The following SYNE1 variants were observed in gnomAD, a reference collection of about 807,000 sequenced individuals.
The protein encoded by SYNE1 is nesprin-1.
SYNE1 carries 616 observed loss-of-function variants against 1,111.0 expected under a neutral mutation model. The observed-to-expected ratio is 0.55, with a 90% CI of 0.52 to 0.59. The LOEUF is 0.59. Ranked by LOEUF, SYNE1 falls within the 20% of genes least tolerant of loss-of-function variation. The pLI, the probability that SYNE1 is intolerant of heterozygous loss-of-function variation, is 0.00. For synonymous variants in SYNE1, 3,855 were observed against 3,825.8 expected (o/e 1.01, Z -0.28); for missense variants, 10,006 against 10,417.0 (o/e 0.96, Z 1.72).
At chr6:152,581,755 C>T (rs775482361) in intron 3 of SYNE1, among the ~76,000 whole-genome samples, 3 of 152,096 alleles carry the variant, frequency 2.0e-5, no homozygotes, top group Non-Finnish European at 2.9e-5. Flanking sequence ...ACCCCTGGCT[C>T]GCTCCAGACT....
At chr6:152,526,301 C>A (rs1463244251) in intron 4 of SYNE1, 126 bp from the exon 5 acceptor site, 3 of 939,866 alleles carry the variant, frequency 3.2e-6, no homozygotes, top group South Asian at 1.4e-5. Context: ...TACTTTAATT[C>A]TTTATTTTGG....
At chr6:152,382,568 C>T (rs2097439628) in intron 55 of SYNE1, among the ~76,000 whole-genome samples, 1 of 152,148 alleles carries the variant, frequency 6.6e-6, no homozygotes, top group African/African-American at 2.4e-5. Context: ...AAAACCCTTA[C>T]ACACAGCATG....
rs765571307 is a variant in SYNE1, at chr6:152,433,061, A to G, written c.4461+734T>C. Among the ~76,000 whole-genome samples, 198 of 152,156 alleles carry G rather than the reference A, an allele frequency of 1.3e-3. 1 individual carries two copies. Among genetic ancestry groups the G allele is most frequent in the Non-Finnish European group, 1.0e-3 (69 of 67,972 alleles). On this transcript the variant is annotated intron_variant, in intron 34 of 145. Coordinates refer to ENST00000367255, the MANE Select transcript of SYNE1 (RefSeq NM_182961.4). ...GTATTTATTTTACTATATTTAATTG[A>G]ATGAAATAGCAGAGGGTTTTCCCAT...
intron 3 of SYNE1, among the ~76,000 whole-genome samples, chr6:152,568,696 A>G (rs904855397): frequency 2.0e-5 from 3 of 150,972 alleles, no homozygotes; most frequent in African/African-American, 7.3e-5. Context: ...GCAGCCTCCA[A>G]CTCCTCGTCT....
chr6:152,551,389 C>G (rs900556376), intron 3 of SYNE1, among the ~76,000 whole-genome samples: 69 of 152,232 alleles, frequency 4.5e-4, no homozygotes, highest in African/African-American at 1.6e-3. Context: ...GACTCTTACC[C>G]TAATCTAATT....
intron 50 of SYNE1, among the ~76,000 whole-genome samples, chr6:152,396,335 G>A (rs1290125333): frequency 6.6e-6 from 1 of 152,124 alleles, no homozygotes; most frequent in Non-Finnish European, 1.5e-5. Context: ...CTAGTCATAG[G>A]TGGCTCTTTC....
At chr6:152,227,489 T>C (rs532058351) in intron 115 of SYNE1, among the ~76,000 whole-genome samples, 1 of 152,302 alleles carries the variant, frequency 6.6e-6, no homozygotes, top group East Asian at 1.9e-4. Context: ...ATTTCCACTC[T>C]ATAATTTTGT....
chr6:152,313,984 T>C (rs925469784), intron 87 of SYNE1, among the ~76,000 whole-genome samples: 3 of 152,124 alleles, frequency 2.0e-5, no homozygotes, highest in African/African-American at 4.8e-5. Context: ...GACTCCTCCC[T>C]CTCTTTCACC....
At chr6:152,535,731 C>T (rs1464110557) in intron 4 of SYNE1, among the ~76,000 whole-genome samples, 1 of 151,998 alleles carries the variant, frequency 6.6e-6, no homozygotes, top group African/African-American at 2.4e-5. Context: ...TTATACATGC[C>T]TAATTTTAAA....
rs774228114 is a variant in SYNE1, at chr6:152,391,499, C to T, written c.7782G>A (p.Glu2594=). The change falls in exon 52 of 146, where the codon GAG becomes GAA. Residue 2594 remains glutamate, a synonymous_variant. Coordinates refer to ENST00000367255, the MANE Select transcript of SYNE1 (RefSeq NM_182961.4). ...LSEEGHGAGQ[E]GRLCSQLLTS... ...TGAGGAGCTGGGAACACAGGCGGCC[C>T]TCCTGCCCAGCACCGTGGCCTTCTT... 6.2e-7 allele frequency: 1 copy of T among 1,613,422 alleles called. No individual in the cohort carries two copies.
intron 39 of SYNE1, among the ~76,000 whole-genome samples, chr6:152,420,349 G>A (rs1370324354): frequency 2.0e-5 from 3 of 152,178 alleles, no homozygotes; most frequent in Non-Finnish European, 2.9e-5. Context: ...GCTAGGTGCA[G>A]TGGCTCATGC....
intron 55 of SYNE1, among the ~76,000 whole-genome samples, chr6:152,385,220 C>T (rs1173497974): frequency 1.3e-5 from 2 of 152,102 alleles, no homozygotes; most frequent in African/African-American, 2.4e-5. Flanking sequence ...GCAGAGTAAA[C>T]GAGATGATAA....
chr6:152,515,915 C>T (rs1370794849), intron 6 of SYNE1, among the ~76,000 whole-genome samples: 3 of 152,020 alleles, frequency 2.0e-5, no homozygotes, highest in Non-Finnish European at 4.4e-5. Context: ...TTAGGGTTTC[C>T]CCAGTAAAAT....
At chr6:152,328,380 T>TTTA (rs1554460765) in intron 78 of SYNE1, among the ~76,000 whole-genome samples, 28 of 137,510 alleles carry the variant, frequency 2.0e-4, no homozygotes, top group African/African-American at 6.6e-4. Flanking sequence ...TCTTATTTTA[T>TTTA]TTTATTTATT....
chr6:152,552,694 T>C (rs931223873), intron 3 of SYNE1, among the ~76,000 whole-genome samples: 1 of 152,064 alleles, frequency 6.6e-6, no homozygotes, highest in African/African-American at 2.4e-5. Flanking sequence ...GTGTTAGAAA[T>C]TGCAATCTCA....
At chr6:152,530,585 A>G (rs564301960) in intron 4 of SYNE1, among the ~76,000 whole-genome samples, 1 of 151,710 alleles carries the variant, frequency 6.6e-6, no homozygotes, top group East Asian at 1.9e-4. Flanking sequence ...ACAATTCATA[A>G]GTTTTAAATT....
chr6:152,441,440 A>T (rs1356750187), intron 31 of SYNE1, among the ~76,000 whole-genome samples, 170 bp from the exon 32 acceptor site: 1 of 152,160 alleles, frequency 6.6e-6, no homozygotes, highest in African/African-American at 2.4e-5. Flanking sequence ...TCTTTTCTCT[A>T]TGTTAATGTT....
At position 152,447,534 on chromosome 6, in the gene SYNE1, T is replaced by A. The variant is rs2098603202; in HGVS notation, c.3593A>T (p.Asn1198Ile). Residue 1198 changes from asparagine (N) to isoleucine (I), a missense_variant, in exon 29 of 146, where the codon AAT becomes ATT. Asn to Ile is a moderately radical substitution (Grantham distance 149). Around this residue, in one of 7 missense-constraint regions of SYNE1, gnomAD observed 1,971 missense variants for 2,084.1 expected, o/e 0.95. Transcript: ENST00000367255. ...CTCATCTCCCTGCTTTTGGGCTTCATTCTCAGAAGAAACTTCTGTCAAAAC... is the reference window on the plus strand; with the variant it reads ...CTCATCTCCCTGCTTTTGGGCTTCAATCTCAGAAGAAACTTCTGTCAAAAC... ...LKVLTEVSSENEAQKQGDELA... is the reference protein window; with the variant it reads ...LKVLTEVSSEIEAQKQGDELA... The A allele has an allele frequency of 2.5e-6, 4 of 1,614,110 alleles. No individual in the cohort carries two copies. In the African/African-American group the frequency reaches 5.3e-5, roughly 22 times the overall value.
intron 39 of SYNE1, among the ~76,000 whole-genome samples, chr6:152,425,171 ATTT>A (rs2098333412): frequency 6.6e-6 from 1 of 152,196 alleles, no homozygotes; most frequent in South Asian, 2.1e-4. Flanking sequence ...ACTTGCCCTT[ATTT>A]TAAGACTAAA....
Sources: gnomAD v4.1 joint callset for allele counts (sites outside exome capture counted in the v4.1 genomes callset) on GRCh38, gnomAD v4.1.1 for gene constraint, gnomAD v4.1.1 regional missense constraint, MANE v1.5 for transcripts, NCBI Gene and HGNC (gene_info 2026-07-23, HGNC 2026-07-21) for gene names.